The following INPP4B variants were observed in gnomAD, a reference collection of about 807,000 sequenced individuals.
The protein encoded by INPP4B is inositol polyphosphate-4-phosphatase type II B, also known as inositol polyphosphate 4-phosphatase type II.
A neutral mutation model predicts 122.5 loss-of-function variants in INPP4B; 55 were observed. The observed-to-expected ratio is 0.45, with a 90% CI of 0.36 to 0.56. The LOEUF is 0.56. Among genes scored for constraint, INPP4B ranks in the 20% least tolerant of loss-of-function variants. INPP4B has a pLI of 0.00. For synonymous variants in INPP4B, 403 were observed against 388.7 expected, an observed-to-expected ratio of 1.04 and a Z score of -0.43; for missense variants, 1,000 against 1,097.7, an observed-to-expected ratio of 0.91 and a Z score of 1.26.
chr4:142,334,165 T>C (rs2151583851), intron 7 of INPP4B, among the ~76,000 whole-genome samples: 1 of 152,304 alleles, frequency 6.6e-6, no homozygotes, highest in Admixed American at 6.5e-5. Context: ...GTTCATCCAT[T>C]TTGTTGCAAA....
chr4:142,817,853 C>T (rs951689499), intron 1 of INPP4B, among the ~76,000 whole-genome samples: 6 of 152,036 alleles, frequency 3.9e-5, no homozygotes, highest in Non-Finnish European at 4.4e-5. Context: ...TATATATTGA[C>T]GTTAAAAGGA....
intron 25 of INPP4B, among the ~76,000 whole-genome samples, chr4:142,039,598 A>T (rs946953474): frequency 4.0e-5 from 5 of 126,488 alleles, no homozygotes; most frequent in Non-Finnish European, 8.3e-5. Flanking sequence ...GTGCTTTATT[A>T]AAAAAAAAAG....
chr4:142,266,970 TA>T (rs891570605), intron 10 of INPP4B, among the ~76,000 whole-genome samples: 13 of 152,204 alleles, frequency 8.5e-5, no homozygotes, highest in African/African-American at 2.9e-4. Context: ...CCATTCACTT[TA>T]AAAAAATACT....
At chr4:142,483,362 T>G (rs1820816080) in intron 2 of INPP4B, among the ~76,000 whole-genome samples, 1 of 151,998 alleles carries the variant, frequency 6.6e-6, no homozygotes, top group African/African-American at 2.4e-5. Context: ...AAAGTAATAG[T>G]GGCAACCAGT....
intron 7 of INPP4B, among the ~76,000 whole-genome samples, chr4:142,359,451 C>G (rs568051527): frequency 6.6e-6 from 1 of 151,902 alleles, no homozygotes; most frequent in Non-Finnish European, 1.5e-5. Context: ...ATTAGTATTA[C>G]TATTACCAAT....
At chr4:142,388,213 C>T (rs1796555384) in intron 7 of INPP4B, among the ~76,000 whole-genome samples, 1 of 152,092 alleles carries the variant, frequency 6.6e-6, no homozygotes, top group Non-Finnish European at 1.5e-5. Flanking sequence ...GTTTAAAATC[C>T]AGGAATATTG....
intron 11 of INPP4B, among the ~76,000 whole-genome samples, chr4:142,241,666 T>A (rs933197238): frequency 6.6e-6 from 1 of 152,146 alleles, no homozygotes; most frequent in African/African-American, 2.4e-5. Flanking sequence ...AGACTGTTGC[T>A]CAAGTAACCT....
chr4:142,498,379 A>G (rs180711510), intron 2 of INPP4B, among the ~76,000 whole-genome samples: 14 of 152,156 alleles, frequency 9.2e-5, no homozygotes, highest in African/African-American at 3.4e-4. Flanking sequence ...AAGCACTGTG[A>G]TGGAAATAAA....
rs149434265 is a variant in INPP4B, at chr4:142,716,100, G to A, written c.-191+9739C>T. Among the ~76,000 whole-genome samples, 394 of 152,278 alleles carry A rather than the reference G, an allele frequency of 2.6e-3. 2 individuals carry two copies. The highest frequency in any genetic ancestry group is 0.014 in the Middle Eastern group (4 of 294). On this transcript the variant is annotated intron_variant, in intron 2 of 25. Transcript: ENST00000262992. ...GAGATCACATAGCATTACTTCTCCAGTGCTTAACACAGCAGACACAAACCC... is the reference window on the plus strand; with the variant it reads ...GAGATCACATAGCATTACTTCTCCAATGCTTAACACAGCAGACACAAACCC...
intron 14 of INPP4B, among the ~76,000 whole-genome samples, chr4:142,206,066 C>T (rs892297622): frequency 6.6e-6 from 1 of 152,110 alleles, no homozygotes; most frequent in African/African-American, 2.4e-5. Context: ...TGATAACAGC[C>T]TTCTGCTGTG....
At chr4:142,692,494 A>G (rs1267199869) in intron 2 of INPP4B, among the ~76,000 whole-genome samples, 2 of 152,202 alleles carry the variant, frequency 1.3e-5, no homozygotes, top group Non-Finnish European at 2.9e-5. Context: ...TGAGCCCAGG[A>G]GTTCCAGATT....
At chr4:142,331,322 A>T (rs1452461001) in intron 7 of INPP4B, among the ~76,000 whole-genome samples, 1 of 152,170 alleles carries the variant, frequency 6.6e-6, no homozygotes, top group Non-Finnish European at 1.5e-5. Flanking sequence ...CTCTCCAGGG[A>T]CAGTAGAGCA....
At chr4:142,832,817 C>T (rs1782324099) in intron 1 of INPP4B, among the ~76,000 whole-genome samples, 1 of 150,952 alleles carries the variant, frequency 6.6e-6, no homozygotes. Context: ...ATAATTTTTA[C>T]TGGATTTTTA....
intron 9 of INPP4B, among the ~76,000 whole-genome samples, chr4:142,283,427 A>C (rs1752112305): frequency 6.6e-6 from 1 of 152,182 alleles, no homozygotes; most frequent in African/African-American, 2.4e-5. Context: ...CTATAAGAAC[A>C]GTCATGCGTT....
intron 23 of INPP4B, among the ~76,000 whole-genome samples, chr4:142,103,933 T>C (rs1198704888): frequency 6.6e-6 from 1 of 152,044 alleles, no homozygotes; most frequent in Non-Finnish European, 1.5e-5. Context: ...TGAAACACTA[T>C]ATATAAAACA....
rs1046987674 is a variant in INPP4B, at chr4:142,383,901, A to C, written c.372+19037T>G. The C allele has an allele frequency of 7.0e-6, 4 of 567,862 alleles. No individual in the cohort carries two copies. In the African/African-American group the frequency reaches 7.5e-5, roughly 11 times the overall value. The allele number at this position is 567,862 out of a possible 1,614,324, so 35.2% of individuals were successfully genotyped here. ...GAACACAGGTGTGAGCTTATTATTCATGTGACCTCTCTGCATGTCCAGCTA... is the reference window on the plus strand; with the variant it reads ...GAACACAGGTGTGAGCTTATTATTCCTGTGACCTCTCTGCATGTCCAGCTA... On this transcript the variant is annotated intron_variant, in intron 7 of 25. Coordinates refer to ENST00000262992, the MANE Select transcript of INPP4B (RefSeq NM_001101669.3).
intron 2 of INPP4B, among the ~76,000 whole-genome samples, chr4:142,724,644 G>C (rs1460127245): frequency 1.8e-4 from 28 of 152,142 alleles, no homozygotes; most frequent in Admixed American, 1.8e-3. Context: ...TAACATTTCA[G>C]TATAGATAAA....
chr4:142,757,991 T>G (rs17016753), intron 1 of INPP4B, among the ~76,000 whole-genome samples: 3,501 of 152,284 alleles, frequency 0.023, 136 homozygotes, highest in African/African-American at 0.08. Flanking sequence ...TGTGCATTTT[T>G]TAAACTCCAT....
intron 2 of INPP4B, among the ~76,000 whole-genome samples, chr4:142,520,190 A>G (rs1825904203): frequency 1.3e-5 from 2 of 152,142 alleles, no homozygotes; most frequent in South Asian, 4.1e-4. Context: ...ATTTATAAAA[A>G]ATGAGATTTA....
Sources: allele counts gnomAD v4.1 joint callset (sites outside exome capture counted in the v4.1 genomes callset), GRCh38; gene constraint gnomAD v4.1.1; transcripts MANE v1.5; gene names NCBI Gene and HGNC (gene_info 2026-07-23, HGNC 2026-07-21).